Variants in SLCO1B3 observed in about 807,000 individuals in gnomAD.
SLCO1B3 encodes solute carrier organic anion transporter family member 1B3.
A neutral mutation model predicts 71.8 loss-of-function variants in SLCO1B3; 72 were observed. The observed-to-expected ratio is 1.00, with a 90% CI of 0.83 to 1.22. SLCO1B3 has a LOEUF of 1.22. Ranked by LOEUF, SLCO1B3 falls within the 50% of genes most tolerant of loss-of-function variation. The pLI, the probability that SLCO1B3 is intolerant of heterozygous loss-of-function variation, is 0.00. For synonymous variants in SLCO1B3, 298 were observed against 278.4 expected, an observed-to-expected ratio of 1.07 and a Z score of -0.70; for missense variants, 911 against 819.7, an observed-to-expected ratio of 1.11 and a Z score of -1.36.
At chr12:20,883,337 T>G in intron 12 of SLCO1B3, 81 bp from the exon 13 acceptor site, 1 of 797,196 alleles carries the variant, frequency 1.3e-6, no homozygotes, top group Non-Finnish European at 1.8e-6. Context: ...GTTTGAGACT[T>G]CTTTAAATAT....
chr12:20,830,709 G>A (rs1358605025), intron 3 of SLCO1B3, among the ~76,000 whole-genome samples: 1 of 152,102 alleles, frequency 6.6e-6, no homozygotes, highest in Non-Finnish European at 1.5e-5. Flanking sequence ...TGTTAAACAA[G>A]GTTCCTTTTA....
chr12:20,841,081 T>A (rs1864789938), intron 3 of SLCO1B3, among the ~76,000 whole-genome samples: 1 of 151,938 alleles, frequency 6.6e-6, no homozygotes, highest in African/African-American at 2.4e-5. Flanking sequence ...TATAGTACAT[T>A]TTTTTTTCTT....
intron 13 of SLCO1B3, among the ~76,000 whole-genome samples, chr12:20,894,996 G>A (rs1195180159): frequency 6.6e-6 from 1 of 152,174 alleles, no homozygotes; most frequent in Non-Finnish European, 1.5e-5. Context: ...GGCAAAGGGA[G>A]CTTGTGCAGG....
Position 20,901,346 on chromosome 12 carries a change from G to A in SLCO1B3, c.1748-4G>A. 6.6e-7 allele frequency: 1 copy of A among 1,508,574 alleles called. No individual in the cohort carries two copies. 93.4% of individuals were successfully genotyped at this position (1,508,574 alleles called of 1,614,324 possible). ...GATTGATATCTTTTTATCTCATGTT[G>A]CAGGAGGAATTCTAGCTCCAATATA... On this transcript the variant is annotated splice_region_variant and splice_polypyrimidine_tract_variant and intron_variant, in intron 14 of 15. Coordinates refer to ENST00000381545, the MANE Select transcript of SLCO1B3 (RefSeq NM_019844.4).
At chr12:20,858,806 G>C (rs751656834) in intron 5 of SLCO1B3, 12 of 245,328 alleles carry the variant, frequency 4.9e-5, no homozygotes, top group Admixed American at 1.6e-4. Context: ...TATTATATAA[G>C]GTATACAGTT....
At chr12:20,830,158 C>T (rs1311526801) in intron 3 of SLCO1B3, among the ~76,000 whole-genome samples, 4 of 152,110 alleles carry the variant, frequency 2.6e-5, no homozygotes, top group Non-Finnish European at 4.4e-5. Flanking sequence ...GAAGATAGCT[C>T]AAGCTTGCAC....
intron 15 of SLCO1B3, among the ~76,000 whole-genome samples, chr12:20,909,983 G>C (rs1866342819): frequency 1.3e-5 from 2 of 152,158 alleles, no homozygotes; most frequent in Admixed American, 6.6e-5. Flanking sequence ...TTGTAATGAA[G>C]TCCTCTTTGT....
At chr12:20,899,496 G>T (rs932259570) in intron 14 of SLCO1B3, among the ~76,000 whole-genome samples, 1 of 152,172 alleles carries the variant, frequency 6.6e-6, no homozygotes, top group Non-Finnish European at 1.5e-5. Flanking sequence ...TACATGAAGT[G>T]TATTCGGTGA....
chr12:20,874,625 G>A (rs1865542450), intron 8 of SLCO1B3, among the ~76,000 whole-genome samples: 1 of 152,170 alleles, frequency 6.6e-6, no homozygotes, highest in Non-Finnish European at 1.5e-5. Flanking sequence ...GGGAAATATA[G>A]TTGAAATAAA....
intron 3 of SLCO1B3, among the ~76,000 whole-genome samples, chr12:20,852,626 T>G (rs923201863): frequency 5.9e-5 from 9 of 152,224 alleles, no homozygotes; most frequent in African/African-American, 2.2e-4. Flanking sequence ...TTTGGTAATA[T>G]TTAATAGGTT....
At position 20,883,481 on chromosome 12, in the gene SLCO1B3, T is replaced by C. The variant is rs773177256; in HGVS notation, c.1561T>C (p.Leu521=). Residue 521 remains leucine (L), a synonymous_variant, in exon 13 of 16, where the codon TTG becomes CTG. Coordinates refer to ENST00000381545, the MANE Select transcript of SLCO1B3 (RefSeq NM_019844.4). ...CCAGAACAGAAATTACTCAGCACAC[T>C]TGGGTGAATGCCCAAGAGATAATAC... ...GLQNRNYSAH[L]GECPRDNTCT... 1 of 1,599,260 alleles carries C rather than the reference T, an allele frequency of 6.3e-7. No individual in the cohort carries two copies. Among genetic ancestry groups the C allele is most frequent in the South Asian group, 1.1e-5 (1 of 88,984 alleles).
At chr12:20,857,305 C>T (rs1458711387) in intron 4 of SLCO1B3, among the ~76,000 whole-genome samples, 11 of 152,014 alleles carry the variant, frequency 7.2e-5, no homozygotes, top group Admixed American at 5.2e-4. Flanking sequence ...TTACGTCTTC[C>T]TCTAACACAA....
At position 20,819,095 on chromosome 12, in the gene SLCO1B3, G is replaced by A. The variant is rs548891765; in HGVS notation, c.84+3273G>A. The stretch of plus-strand genomic sequence containing the variant: ...TAAAAGTACTAAAGCAGCGGCAGCC[G>A]CTGCACGCGGACATGAGGGCTAGGC... On this transcript the variant is annotated intron_variant, in intron 3 of 15. Coordinates refer to ENST00000381545, the MANE Select transcript of SLCO1B3 (RefSeq NM_019844.4). 3.1e-4 allele frequency among the ~76,000 whole-genome samples: 47 copies of A among 151,992 alleles called. No homozygotes were observed. In the East Asian group the frequency reaches 4.4e-3, roughly 14 times the overall value.
intron 3 of SLCO1B3, among the ~76,000 whole-genome samples, chr12:20,833,154 G>T (rs1230421689): frequency 6.6e-6 from 1 of 152,116 alleles, no homozygotes; most frequent in Non-Finnish European, 1.5e-5. Flanking sequence ...TCACATGGAT[G>T]CTTCTTTCAC....
intron 3 of SLCO1B3, among the ~76,000 whole-genome samples, chr12:20,831,752 G>A (rs566667092): frequency 4.0e-5 from 6 of 149,868 alleles, no homozygotes; most frequent in South Asian, 2.1e-4. Context: ...AGGAGTATGC[G>A]CACATACAGA....
chr12:20,862,737 T>A lies in SLCO1B3; in HGVS notation c.629-19T>A. The A allele has an allele frequency of 1.3e-6, 2 of 1,571,810 alleles. No individual in the cohort carries two copies. The highest frequency in any genetic ancestry group is 1.7e-6 in the Non-Finnish European group (2 of 1,145,994). ...AAGTATTTGTGACATCTGATTAAAT[T>A]GTTTTGTAATACTTACAGGTAGTTT... On this transcript the variant is annotated intron_variant, in intron 7 of 15. Coordinates refer to ENST00000381545, the MANE Select transcript of SLCO1B3 (RefSeq NM_019844.4).
Position 20,853,821 on chromosome 12 carries a change from T to C in SLCO1B3, c.85-1207T>C, listed in dbSNP as rs142302561. Among the ~76,000 whole-genome samples, 561 of 152,146 alleles carry C rather than the reference T, an allele frequency of 3.7e-3. 5 individuals carry two copies. The highest frequency in any genetic ancestry group is 0.031 in the Admixed American group (467 of 15,288). ...TGATGGATACAGTTATGTTATTTAT[T>C]TGAGATTTTTCTTTCCTTAATATCA... is the stretch of plus-strand genomic sequence containing the variant. On this transcript the variant is annotated intron_variant, in intron 3 of 15. Transcript: ENST00000381545.
intron 8 of SLCO1B3, among the ~76,000 whole-genome samples, chr12:20,866,917 T>C (rs1020879309): frequency 6.6e-6 from 1 of 152,284 alleles, no homozygotes; most frequent in African/African-American, 2.4e-5. Context: ...AAAACAGTTG[T>C]TAGTCTTTTG....
intron 13 of SLCO1B3, among the ~76,000 whole-genome samples, chr12:20,894,140 T>G (rs4149152): frequency 0.018 from 2,801 of 152,248 alleles, 80 homozygotes; most frequent in East Asian, 0.098. Flanking sequence ...TCAATGTAAA[T>G]GAAATCTCTT....
Sources: gnomAD v4.1 joint callset for allele counts (sites outside exome capture counted in the v4.1 genomes callset) on GRCh38, gnomAD v4.1.1 for gene constraint, MANE v1.5 for transcripts, NCBI Gene and HGNC (gene_info 2026-07-23, HGNC 2026-07-21) for gene names.